MEIKIN: variants seen among roughly 807,000 people sequenced by gnomAD.
The protein encoded by MEIKIN is meiotic kinetochore factor, also known as meiosis-specific kinetochore protein.
At chr5:131,832,762 A>G (rs370073104) in intron 11 of MEIKIN, among the ~76,000 whole-genome samples, 6 of 152,372 alleles carry the variant, frequency 3.9e-5, no homozygotes, top group African/African-American at 7.2e-5. Flanking sequence ...GAAGCTGCCA[A>G]GCTTGAGGCT....
chr5:131,838,534 A>G (rs1034255115), intron 11 of MEIKIN, among the ~76,000 whole-genome samples: 1 of 150,966 alleles, frequency 6.6e-6, no homozygotes, highest in Non-Finnish European at 1.5e-5. Flanking sequence ...ATCATTATTC[A>G]TCTGTTCAGA....
At chr5:131,840,843 T>G (rs1749892873) in intron 11 of MEIKIN, among the ~76,000 whole-genome samples, 1 of 152,214 alleles carries the variant, frequency 6.6e-6, no homozygotes, top group African/African-American at 2.4e-5. Context: ...GAATTCTATT[T>G]CTGTCGTTTC....
intron 4 of MEIKIN, 137 bp downstream of exon 4, chr5:131,942,498 C>T (rs1054725645): frequency 2.6e-6 from 1 of 386,210 alleles, no homozygotes; most frequent in Non-Finnish European, 4.6e-6. Flanking sequence ...ATCTATAGCA[C>T]AGTCAGAAGG....
intron 8 of MEIKIN, among the ~76,000 whole-genome samples, chr5:131,890,917 T>G (rs1750900904): frequency 6.6e-6 from 1 of 152,230 alleles, no homozygotes; most frequent in Admixed American, 6.5e-5. Flanking sequence ...GTATTTTGTG[T>G]CTTTGTTCTC....
chr5:131,941,138 CTTCCT>C (rs1751862640), intron 4 of MEIKIN, among the ~76,000 whole-genome samples: 2 of 116,500 alleles, frequency 1.7e-5, no homozygotes, highest in South Asian at 5.7e-4. Context: ...TTCAAGATCT[CTTCCT>C]TTTTTTTTTT....
At chr5:131,834,107 T>C (rs2149607920) in intron 11 of MEIKIN, among the ~76,000 whole-genome samples, 1 of 152,336 alleles carries the variant, frequency 6.6e-6, no homozygotes, top group South Asian at 2.1e-4. Context: ...TAATAATGGC[T>C]GTACAAAACT....
intron 12 of MEIKIN, among the ~76,000 whole-genome samples, chr5:131,807,945 C>T (rs552690297): frequency 6.6e-6 from 1 of 152,302 alleles, no homozygotes; most frequent in South Asian, 2.1e-4. Flanking sequence ...ACCCACATAT[C>T]AGACAACCAG....
At chr5:131,861,165 C>T (rs896378782) in intron 9 of MEIKIN, among the ~76,000 whole-genome samples, 6 of 151,906 alleles carry the variant, frequency 3.9e-5, no homozygotes, top group Non-Finnish European at 7.4e-5. Flanking sequence ...CCGAAGTGGG[C>T]GGATCATGAG....
chr5:131,827,118 A>G (rs1232300570), intron 11 of MEIKIN, among the ~76,000 whole-genome samples: 4 of 152,094 alleles, frequency 2.6e-5, no homozygotes, highest in Admixed American at 6.6e-5. Flanking sequence ...CTGAGTAGCT[A>G]GGACTACAGG....
intron 9 of MEIKIN, among the ~76,000 whole-genome samples, chr5:131,873,678 C>A (rs1307756534): frequency 6.6e-6 from 1 of 152,194 alleles, no homozygotes; most frequent in African/African-American, 2.4e-5. Context: ...ATCTCCACCC[C>A]AAATCAACAG....
At chr5:131,894,606 G>A (rs1223296679) in intron 8 of MEIKIN, among the ~76,000 whole-genome samples, 1 of 152,134 alleles carries the variant, frequency 6.6e-6, no homozygotes, top group Non-Finnish European at 1.5e-5. Context: ...CCTTGAAGAG[G>A]TCATTTGCAT....
chr5:131,870,414 A>G (rs1263696671), intron 9 of MEIKIN, among the ~76,000 whole-genome samples: 2 of 152,000 alleles, frequency 1.3e-5, no homozygotes, highest in African/African-American at 4.8e-5. Context: ...TTTGAACCTG[A>G]CGATGGAGTT....
intron 6 of MEIKIN, among the ~76,000 whole-genome samples, chr5:131,918,460 C>T (rs1303156191): frequency 2.0e-5 from 3 of 152,172 alleles, no homozygotes; most frequent in Non-Finnish European, 4.4e-5. Context: ...ACACAGAAGA[C>T]AAGGCCTTCA....
chr5:131,873,256 C>G (rs527477046), intron 9 of MEIKIN, among the ~76,000 whole-genome samples: 1 of 152,116 alleles, frequency 6.6e-6, no homozygotes, highest in Non-Finnish European at 1.5e-5. Context: ...GGAAACCCAT[C>G]TCACATGCAG....
chr5:131,935,054 C>A, intron 4 of MEIKIN, among the ~76,000 whole-genome samples: 1 of 146,120 alleles, frequency 6.8e-6, no homozygotes, highest in Non-Finnish European at 1.5e-5. Flanking sequence ...AGTGAGACTC[C>A]ATCCAAAAAA....
Position 131,945,604 on chromosome 5 carries a change from G to A in MEIKIN, c.-99C>T, listed in dbSNP as rs1359231835. ...TAAGTCACAGGGAGTCAGCGTCCAG[G>A]CGAGGCCCGCGGAGCAGCCTCACAG... On this transcript the variant is annotated 5_prime_UTR_variant, in exon 1 of 13. Transcript: ENST00000442687. 1 of 398,750 alleles carries A rather than the reference G, an allele frequency of 2.5e-6. No individual in the cohort carries two copies. Among genetic ancestry groups the A allele is most frequent in the East Asian group, 3.6e-5 (1 of 28,028 alleles). 24.7% of individuals were successfully genotyped at this position (398,750 alleles called of 1,614,324 possible).
chr5:131,844,793 A>T (rs1311669478), intron 11 of MEIKIN, among the ~76,000 whole-genome samples: 1 of 152,176 alleles, frequency 6.6e-6, no homozygotes, highest in African/African-American at 2.4e-5. Context: ...TTTAGGAGGT[A>T]CACAATAATG....
At chr5:131,891,252 G>A (rs1580893156) in intron 8 of MEIKIN, among the ~76,000 whole-genome samples, 1 of 152,162 alleles carries the variant, frequency 6.6e-6, no homozygotes, top group African/African-American at 2.4e-5. Flanking sequence ...GCATAGCTGA[G>A]TTCAATTCCT....
At chr5:131,942,560 G>T in intron 4 of MEIKIN, 75 bp downstream of exon 4, 1 of 396,544 alleles carries the variant, frequency 2.5e-6, no homozygotes, top group South Asian at 1.3e-4. Context: ...TAGGAAGATG[G>T]GGAGAGATAC....
Sources: gnomAD v4.1 joint callset for allele counts (sites outside exome capture counted in the v4.1 genomes callset) on GRCh38, gnomAD v4.1.1 for gene constraint, MANE v1.5 for transcripts, NCBI Gene and HGNC (gene_info 2026-07-23, HGNC 2026-07-21) for gene names.